Variants in ZNF182 observed in about 807,000 individuals in gnomAD.
The protein encoded by ZNF182 is zinc finger protein 182.
In ZNF182, 10 loss-of-function variants were observed where a neutral mutation model predicts 28.1. The ratio of observed to expected loss-of-function variants is 0.36; its 90% CI spans 0.22 to 0.60. The LOEUF (loss-of-function observed/expected upper bound fraction) is 0.60, where lower values mean the gene tolerates loss of function less well. ZNF182 is among the 20% of genes least tolerant of loss of function. ZNF182 has a pLI of 0.75. For missense variants in ZNF182, 352 were observed against 453.2 expected (o/e 0.78, Z 2.03); for synonymous variants, 156 against 158.7 (o/e 0.98, Z 0.13).
intron 3 of ZNF182, among the ~76,000 whole-genome samples, chrX:47,999,341 T>G (rs1205633713): frequency 2.2e-5 from 2 of 92,869 alleles, no homozygotes; most frequent in Non-Finnish European, 4.2e-5. Context: ...GCAGCCTGGG[T>G]GACAAAGCAA....
intron 3 of ZNF182, 104 bp from the exon 4 acceptor site, chrX:47,983,515 A>C (rs1389574928): frequency 9.0e-6 from 8 of 889,713 alleles, no homozygotes; most frequent in Non-Finnish European, 1.2e-5. Flanking sequence ...ATGATGACTC[A>C]ATATTGGATG....
chrX:47,988,835 A>T (rs1556900086), intron 3 of ZNF182, among the ~76,000 whole-genome samples: 2 of 111,708 alleles, frequency 1.8e-5, no homozygotes, highest in African/African-American at 6.5e-5. Flanking sequence ...ACCAGATTAT[A>T]AATAAATAAA....
rs1449718256 is a variant in ZNF182 at position 47,975,954 on chromosome X, A to T, written c.*213T>A. 4 of 335,646 alleles carry T rather than the reference A, an allele frequency of 1.2e-5. No individual in the cohort carries two copies. The highest frequency in any genetic ancestry group is 2.0e-5 in the Non-Finnish European group (4 of 198,331). 27.7% of individuals were successfully genotyped at this position (335,646 alleles called of 1,213,427 possible). A position where few individuals can be genotyped will look rare whatever the true frequency, so the allele number is the denominator to read the frequency against. On this transcript the variant is annotated 3_prime_UTR_variant, in exon 6 of 6. Coordinates refer to ENST00000376943, the MANE Select transcript of ZNF182 (RefSeq NM_001007088.2). ...TTCCTCTGCCTGTGGCAGCCCTCTC[A>T]TTAGGGTTGCAGCTGTCTCCTAATT...
At chrX:47,986,745 C>G (rs1186858932) in intron 3 of ZNF182, among the ~76,000 whole-genome samples, 1 of 111,790 alleles carries the variant, frequency 8.9e-6, no homozygotes. Flanking sequence ...TGGGTACCAT[C>G]TAATCAGCTG....
At position 47,976,824 on chromosome X, in the gene ZNF182, T is replaced by C; in HGVS notation, c.1206A>G (p.Gln402=). 3 of 1,209,052 alleles carry C rather than the reference T, an allele frequency of 2.5e-6. No homozygotes were observed. Among genetic ancestry groups the C allele is most frequent in the Non-Finnish European group, 3.4e-6 (3 of 894,540 alleles). The change falls in exon 6 of 6, where the codon CAA becomes CAG. Residue 402 remains glutamine (Q), a synonymous_variant. Coordinates refer to ENST00000376943, the MANE Select transcript of ZNF182 (RefSeq NM_001007088.2). ...AGGGTTTCTCTCCTGTATGAGTTCT[T>C]TGATGCACAATGAGGGTTGACTTCT... The part of the protein sequence containing the change: ...FNEKSTLIVH[Q]RTHTGEKPYE...
At chrX:47,980,323 G>A (rs1439495242) in intron 5 of ZNF182, among the ~76,000 whole-genome samples, 1 of 93,980 alleles carries the variant, frequency 1.1e-5, no homozygotes, top group African/African-American at 3.7e-5. Flanking sequence ...GATAGGGAAA[G>A]GTTGGTAAAT....
At position 47,984,047 on chromosome X, in the gene ZNF182, C is replaced by T. The variant is rs539886602; in HGVS notation, c.16-636G>A. Among the ~76,000 whole-genome samples, 27 of 111,271 alleles carry T rather than the reference C, an allele frequency of 2.4e-4. 1 individual carries two copies. In the South Asian group the frequency reaches 9.4e-3, roughly 39 times the overall value. The stretch of plus-strand genomic sequence containing the variant: ...GCAATATTCATGAGGGATAAGGTAT[C>T]GTATGTAGAATATATAAAATAATCC... On this transcript the variant is annotated intron_variant, in intron 3 of 5. Coordinates refer to ENST00000376943, the MANE Select transcript of ZNF182 (RefSeq NM_001007088.2).
At chrX:47,982,397 T>C (rs1377671821) in intron 5 of ZNF182, among the ~76,000 whole-genome samples, 1 of 112,312 alleles carries the variant, frequency 8.9e-6, no homozygotes, top group Non-Finnish European at 1.9e-5. Context: ...GTGGTGATGG[T>C]TGTACAACTC....
chrX:48,001,428 A>T (rs1312165783), intron 3 of ZNF182, among the ~76,000 whole-genome samples: 3 of 112,344 alleles, frequency 2.7e-5, no homozygotes, highest in African/African-American at 9.7e-5. Context: ...AAACAAACAA[A>T]CAAATCCCAA....
In ZNF182 at chrX:48,001,812, C is replaced by T. The variant is rs138710068; in HGVS notation, c.15+783G>A. 3.2e-4 allele frequency among the ~76,000 whole-genome samples: 36 copies of T among 111,354 alleles called. No homozygotes were observed. In the East Asian group the frequency reaches 9.9e-3, roughly 31 times the overall value. Reference sequence around the variant, plus strand: ...TGACATTCTTGAAAAGACAAAACTACAGTGACACAGAACAGACCTACCGCT... The same window carrying T: ...TGACATTCTTGAAAAGACAAAACTATAGTGACACAGAACAGACCTACCGCT... On this transcript the variant is annotated intron_variant, in intron 3 of 5. Coordinates refer to ENST00000376943, the MANE Select transcript of ZNF182 (RefSeq NM_001007088.2).
Position 47,977,430 on chromosome X carries a change from T to C in ZNF182, c.600A>G (p.Lys200=). The C allele has an allele frequency of 8.3e-7, 1 of 1,210,881 alleles. No homozygotes were observed. Among genetic ancestry groups the C allele is most frequent in the Non-Finnish European group, 1.1e-6 (1 of 895,289 alleles). Residue 200 remains lysine (K), a synonymous_variant, in exon 6 of 6, where the codon AAA becomes AAG. Coordinates refer to ENST00000376943, the MANE Select transcript of ZNF182 (RefSeq NM_001007088.2). ...TAATTCTCTGATGTAGACTAAGGCC[T>C]TTCTTTCGCCTAAGACCTTTCCCAC... is the stretch of plus-strand genomic sequence containing the variant. ...KECGKGLRRK[K]GLSLHQRIKN...
At chrX:48,000,327 C>T (rs781843268) in intron 3 of ZNF182, among the ~76,000 whole-genome samples, 142 of 109,706 alleles carry the variant, frequency 1.3e-3, no homozygotes, top group African/African-American at 4.4e-3. Flanking sequence ...TTTGGGAGGC[C>T]GAGGTGGGCG....
chrX:47,990,987 G>A (rs782637299), intron 3 of ZNF182, among the ~76,000 whole-genome samples: 4 of 111,785 alleles, frequency 3.6e-5, no homozygotes, highest in Non-Finnish European at 7.5e-5. Flanking sequence ...CTATCAATAA[G>A]GGAACAAATA....
intron 3 of ZNF182, among the ~76,000 whole-genome samples, chrX:47,996,968 C>T (rs1237449555): frequency 9.0e-6 from 1 of 111,529 alleles, no homozygotes; most frequent in Non-Finnish European, 1.9e-5. Context: ...GTTTAACCCA[C>T]CCAATCTATG....
At chrX:47,995,985 G>A (rs1326425387) in intron 3 of ZNF182, among the ~76,000 whole-genome samples, 2 of 112,530 alleles carry the variant, frequency 1.8e-5, no homozygotes, top group Non-Finnish European at 3.8e-5. Flanking sequence ...CAGCAGACTT[G>A]CTCTGAAACA....
intron 3 of ZNF182, among the ~76,000 whole-genome samples, chrX:47,998,209 C>T (rs1209369954): frequency 9.2e-6 from 1 of 109,243 alleles, no homozygotes; most frequent in Non-Finnish European, 1.9e-5. Context: ...CTCAGCCTCC[C>T]GAGTAGCTGG....
chrX:47,977,174 C>A lies in ZNF182; in HGVS notation c.856G>T (p.Val286Phe). The A allele has an allele frequency of 8.3e-7, 1 of 1,207,382 alleles. No homozygotes were observed. The highest frequency in any genetic ancestry group is 1.1e-6 in the Non-Finnish European group (1 of 893,801). ...GTGTGAGTCCTGTAATGTATGATGA[C>A]AGTTGACTTTTCTCTGAAGGCTTTT... is the stretch of plus-strand genomic sequence containing the variant. Reference protein sequence around the residue: ...CGKAFREKSTVIIHYRTHTGE... With the variant: ...CGKAFREKSTFIIHYRTHTGE... Residue 286 changes from valine (V) to phenylalanine (F), a missense_variant, in exon 6 of 6, where the codon GTC (valine) becomes TTC (phenylalanine). Transcript: ENST00000376943.
At position 47,977,491 on chromosome X, in the gene ZNF182, G is replaced by C. The variant is rs1556898444; in HGVS notation, c.539C>G (p.Thr180Arg). Residue 180 changes from threonine to arginine, a missense_variant, in exon 6 of 6, where the codon ACA (threonine) becomes AGA (arginine). Thr to Arg is a moderately conservative substitution (Grantham distance 71). Coordinates refer to ENST00000376943, the MANE Select transcript of ZNF182 (RefSeq NM_001007088.2). ...GCCATAGGGCTTCATTCCAGGATTTGTTTTCTCATACTCAGTATGGAAGAA... is the reference window on the plus strand; with the variant it reads ...GCCATAGGGCTTCATTCCAGGATTTCTTTTCTCATACTCAGTATGGAAGAA... ...KLFFHTEYEK[T>R]NPGMKPYGYK... 6 of 1,211,398 alleles carry C rather than the reference G, an allele frequency of 5.0e-6. No individual in the cohort carries two copies. The highest frequency in any genetic ancestry group is 1.1e-6 in the Non-Finnish European group (1 of 895,413).
chrX:47,986,387 A>G (rs1048162121), intron 3 of ZNF182, among the ~76,000 whole-genome samples: 3 of 112,525 alleles, frequency 2.7e-5, no homozygotes, highest in Non-Finnish European at 3.8e-5. Context: ...ATCATGTGAC[A>G]TAAGATTTAT....
Sources: gnomAD v4.1 joint callset for allele counts (sites outside exome capture counted in the v4.1 genomes callset) on GRCh38, gnomAD v4.1.1 for gene constraint, MANE v1.5 for transcripts, NCBI Gene and HGNC (gene_info 2026-07-23, HGNC 2026-07-21) for gene names.